The following MAP3K3 variants were observed in gnomAD, a reference collection of about 807,000 sequenced individuals.
The protein encoded by MAP3K3 is MAP/ERK kinase kinase 3.
A neutral mutation model predicts 80.9 loss-of-function variants in MAP3K3; 12 were observed. The ratio of observed to expected loss-of-function variants is 0.15; its 90% CI spans 0.10 to 0.24. MAP3K3 has a LOEUF of 0.24. Ranked by LOEUF, MAP3K3 falls within the 10% of genes least tolerant of loss-of-function variation. MAP3K3 has a pLI of 1.00. For missense variants in MAP3K3, 596 were observed against 834.7 expected (o/e 0.71, Z 3.52); for synonymous variants, 272 against 307.1 (o/e 0.89, Z 1.19).
chr17:63,654,984 C>T (rs752309701), intron 4 of MAP3K3, among the ~76,000 whole-genome samples: 5 of 151,616 alleles, frequency 3.3e-5, no homozygotes, highest in Admixed American at 6.6e-5. Context: ...TGCAATGAGC[C>T]GAGATTGCAG....
chr17:63,669,029 C>G (rs2035051474), intron 6 of MAP3K3, among the ~76,000 whole-genome samples: 1 of 152,176 alleles, frequency 6.6e-6, no homozygotes, highest in African/African-American at 2.4e-5. Context: ...CAGGCATGAT[C>G]ACAAAAGAAC....
intron 6 of MAP3K3, among the ~76,000 whole-genome samples, chr17:63,672,155 C>T (rs890526472): frequency 1.3e-5 from 2 of 151,850 alleles, no homozygotes; most frequent in Non-Finnish European, 2.9e-5. Context: ...TGGTGGCATG[C>T]GCCTGTAATC....
chr17:63,622,792 C>T (rs1158266419), intron 1 of MAP3K3, 29 bp downstream of exon 1: 2 of 496,218 alleles, frequency 4.0e-6, no homozygotes, highest in Non-Finnish European at 7.8e-6. Flanking sequence ...CCGGCCTGTG[C>T]CCGCGCTGCT....
At position 63,688,789 on chromosome 17, in the gene MAP3K3, A is replaced by T. The variant is rs200364244; in HGVS notation, c.779A>T (p.Asp260Val). 1.9e-6 allele frequency: 3 copies of T among 1,611,508 alleles called. No individual in the cohort carries two copies. The East Asian group carries it at 6.7e-5, about 36-fold the overall frequency. ...CCAGTGATTCCCCTGTCTTACTCAG[A>T]TCGGGAAACTCAGCTTTATGACAAA... ...SFPDNRQEYSDRETQLYDKGV... is the reference protein window; with the variant it reads ...SFPDNRQEYSVRETQLYDKGV... The change falls in exon 10 of 16, where the codon GAT becomes GTT. Residue 260 changes from aspartate (D) to valine (V), a missense_variant and splice_region_variant. By Grantham distance (152) the Asp-to-Val change is radical. Coordinates refer to ENST00000361733, the MANE Select transcript of MAP3K3 (RefSeq NM_002401.5).
chr17:63,687,944 A>G (rs1313754433), intron 8 of MAP3K3, among the ~76,000 whole-genome samples: 1 of 152,152 alleles, frequency 6.6e-6, no homozygotes, highest in Non-Finnish European at 1.5e-5. Flanking sequence ...AAAAAAAAAA[A>G]AAGTCTGGCC....
At chr17:63,688,366 G>A in intron 8 of MAP3K3, 161 bp from the exon 9 acceptor site, 1 of 652,162 alleles carries the variant, frequency 1.5e-6, no homozygotes, top group Non-Finnish European at 2.8e-6. Flanking sequence ...AAGGGAGGGT[G>A]GAGAAAGCAG....
intron 2 of MAP3K3, among the ~76,000 whole-genome samples, chr17:63,641,922 G>A (rs1337299395): frequency 6.6e-6 from 1 of 152,164 alleles, no homozygotes; most frequent in Non-Finnish European, 1.5e-5. Flanking sequence ...CCCTGTGCTG[G>A]GATAGAGTCA....
At chr17:63,623,843 T>C (rs956744975) in intron 1 of MAP3K3, among the ~76,000 whole-genome samples, 1 of 152,238 alleles carries the variant, frequency 6.6e-6, no homozygotes, top group East Asian at 1.9e-4. Flanking sequence ...GTTGCTTCTG[T>C]GAAGTGCCCC....
intron 1 of MAP3K3, among the ~76,000 whole-genome samples, chr17:63,632,441 A>G (rs899514534): frequency 1.3e-5 from 2 of 152,174 alleles, no homozygotes; most frequent in African/African-American, 4.8e-5. Flanking sequence ...GCAGTGAGCT[A>G]TGATCACGCC....
intron 6 of MAP3K3, chr17:63,668,171 C>A (rs776826899): frequency 6.6e-6 from 1 of 152,174 alleles, no homozygotes; most frequent in Non-Finnish European, 1.5e-5. Context: ...ATTGAAGTGT[C>A]CTCTGAAGAT....
At chr17:63,649,219 C>T (rs980704507) in intron 3 of MAP3K3, among the ~76,000 whole-genome samples, 2 of 151,956 alleles carry the variant, frequency 1.3e-5, no homozygotes, top group Non-Finnish European at 2.9e-5. Context: ...GGAAGATTAC[C>T]TGAGGTCAGG....
chr17:63,628,601 CCA>C (rs1342551559), intron 1 of MAP3K3, among the ~76,000 whole-genome samples: 2 of 152,176 alleles, frequency 1.3e-5, no homozygotes, highest in Non-Finnish European at 2.9e-5. Flanking sequence ...CTCAGGTGAT[CCA>C]CCTGCCTTAG....
intron 5 of MAP3K3, among the ~76,000 whole-genome samples, chr17:63,659,525 C>CTTTTT (rs57166616): frequency 2.9e-4 from 19 of 64,576 alleles, no homozygotes; most frequent in African/African-American, 5.0e-4. Context: ...CTGTCATGGA[C>CTTTTT]TTTTTTTTTT....
chr17:63,660,834 G>C (rs1199918509), intron 5 of MAP3K3, among the ~76,000 whole-genome samples: 1 of 151,412 alleles, frequency 6.6e-6, no homozygotes, highest in East Asian at 2.0e-4. Context: ...GACCTCAGGT[G>C]ATCCGCCTGT....
intron 2 of MAP3K3, chr17:63,634,651 C>A: frequency 1.4e-6 from 2 of 1,417,722 alleles, no homozygotes; most frequent in South Asian, 2.4e-5. Context: ...TCAATGTTGT[C>A]AAACTTATGT....
chr17:63,671,795 A>G (rs1450805486), intron 6 of MAP3K3, among the ~76,000 whole-genome samples: 2 of 152,208 alleles, frequency 1.3e-5, no homozygotes, highest in South Asian at 2.1e-4. Context: ...CAGTTGATAT[A>G]TCCTACATAA....
chr17:63,648,171 A>C (rs1451371242), intron 3 of MAP3K3, among the ~76,000 whole-genome samples: 1 of 152,206 alleles, frequency 6.6e-6, no homozygotes. Context: ...AGCAGCTTAG[A>C]TCTTACCCAA....
Position 63,670,966 on chromosome 17 carries a change from G to A in MAP3K3, c.502+3906G>A, listed in dbSNP as rs572428504. Among the ~76,000 whole-genome samples the A allele has an allele frequency of 3.9e-5, 6 of 152,252 alleles. No homozygotes were observed. In the South Asian group the frequency reaches 1.2e-3, roughly 32 times the overall value. On this transcript the variant is annotated intron_variant, in intron 6 of 15. Transcript: ENST00000361733. ...TTTTAAGTGAAGAGGAGTGGGTGAT[G>A]TTACATATTCGTATTTGTATTTTGA...
At chr17:63,639,239 C>G (rs2034394341) in intron 2 of MAP3K3, among the ~76,000 whole-genome samples, 1 of 152,060 alleles carries the variant, frequency 6.6e-6, no homozygotes, top group African/African-American at 2.4e-5. Flanking sequence ...GGCACTTGAA[C>G]TAGGCTGTGA....
Sources: allele counts gnomAD v4.1 joint callset (sites outside exome capture counted in the v4.1 genomes callset), GRCh38; gene constraint gnomAD v4.1.1; transcripts MANE v1.5; gene names NCBI Gene and HGNC (gene_info 2026-07-23, HGNC 2026-07-21).